TMX2: variants seen among roughly 807,000 people sequenced by gnomAD.
The protein encoded by TMX2 is thioredoxin related transmembrane protein 2.
A neutral mutation model predicts 33.4 loss-of-function variants in TMX2; 20 were observed. The ratio of observed to expected loss-of-function variants is 0.60; its 90% CI spans 0.42 to 0.87. The LOEUF is 0.87. Ranked by LOEUF, TMX2 falls within the 40% of genes least tolerant of loss-of-function variation. The pLI, the probability that TMX2 is intolerant of heterozygous loss-of-function variation, is 0.00. For synonymous variants in TMX2, 166 were observed against 140.7 expected (o/e 1.18, Z -1.27); for missense variants, 340 against 370.7 (o/e 0.92, Z 0.68).
chr11:57,714,087 T>C (rs777202764), intron 1 of TMX2, among the ~76,000 whole-genome samples: 3 of 152,212 alleles, frequency 2.0e-5, no homozygotes, highest in Admixed American at 6.5e-5. Flanking sequence ...GCATACAGGA[T>C]GCCATATTTT....
chr11:57,721,418 G>C (rs71484461), intron 1 of TMX2, among the ~76,000 whole-genome samples: 2 of 146,840 alleles, frequency 1.4e-5, no homozygotes, highest in Admixed American at 1.4e-4. Flanking sequence ...GCTCAGTCTC[G>C]GCTCACCACA....
chr11:57,729,015 AC>A (rs1948180516), intron 1 of TMX2, among the ~76,000 whole-genome samples: 1 of 151,984 alleles, frequency 6.6e-6, no homozygotes, highest in Non-Finnish European at 1.5e-5. Context: ...GGCAGAAACG[AC>A]TCAGTGGTGA....
intron 3 of TMX2, 98 bp from the exon 4 acceptor site, chr11:57,738,255 GT>G: frequency 1.1e-6 from 1 of 892,886 alleles, no homozygotes; most frequent in Non-Finnish European, 1.8e-6. Flanking sequence ...ATCCACAAGT[GT>G]GTATTATTTG....
Position 57,740,078 on chromosome 11 carries a change from G to A in TMX2, c.745-21G>A, listed in dbSNP as rs185473313. The A allele has an allele frequency of 1.0e-4, 162 of 1,613,740 alleles. No homozygotes were observed. The East Asian group carries it at 2.9e-3, about 28-fold the overall frequency. On this transcript the variant is annotated intron_variant, in intron 7 of 7. Coordinates refer to ENST00000278422, the MANE Select transcript of TMX2 (RefSeq NM_015959.4). ...TCTCCCTTCCAACCCAGATCCTGAC[G>A]TGTGCATCTCTTTTGTGCAGGAGAA...
intron 2 of TMX2, 21 bp from the exon 3 acceptor site, chr11:57,737,892 T>C: frequency 6.2e-7 from 1 of 1,614,252 alleles, no homozygotes; most frequent in African/African-American, 1.3e-5. Flanking sequence ...CAGCCTGACC[T>C]GTGACATCTC....
At chr11:57,723,035 C>T (rs977571701) in intron 1 of TMX2, among the ~76,000 whole-genome samples, 7 of 152,026 alleles carry the variant, frequency 4.6e-5, no homozygotes, top group African/African-American at 1.4e-4. Context: ...CCCTTGAACC[C>T]GGAAAGCAGA....
At chr11:57,718,524 T>G (rs1947330079) in intron 1 of TMX2, 2 of 734,342 alleles carry the variant, frequency 2.7e-6, no homozygotes, top group Non-Finnish European at 4.9e-6. Context: ...AACACGGGGT[T>G]GACCATGGCT....
chr11:57,727,434 AAG>A (rs780401162), intron 1 of TMX2, among the ~76,000 whole-genome samples: 2 of 151,352 alleles, frequency 1.3e-5, no homozygotes, highest in African/African-American at 2.5e-5. Flanking sequence ...CTTTTTGGCC[AAG>A]AGAGGGGACT....
intron 1 of TMX2, among the ~76,000 whole-genome samples, chr11:57,719,187 C>T (rs1399114047): frequency 6.6e-6 from 1 of 151,178 alleles, no homozygotes; most frequent in Non-Finnish European, 1.5e-5. Flanking sequence ...AGGTGCACGC[C>T]ACCACGCCCG....
At position 57,738,936 on chromosome 11, in the gene TMX2, A is replaced by T. The variant is rs960725324; in HGVS notation, c.549-38A>T. The T allele has an allele frequency of 9.4e-6, 15 of 1,591,726 alleles. No homozygotes were observed. The East Asian group carries it at 2.0e-4, about 21-fold the overall frequency. On this transcript the variant is annotated intron_variant, in intron 5 of 7. Coordinates refer to ENST00000278422, the MANE Select transcript of TMX2 (RefSeq NM_015959.4). Reference sequence around the variant, plus strand: ...ATACTTCCACTTTCCTTGATCCATTATTTTTTTTCAGCATATTAAATAATA... The same window carrying T: ...ATACTTCCACTTTCCTTGATCCATTTTTTTTTTTCAGCATATTAAATAATA...
At chr11:57,715,790 G>A (rs1205053642) in intron 1 of TMX2, among the ~76,000 whole-genome samples, 2 of 150,912 alleles carry the variant, frequency 1.3e-5, no homozygotes, top group African/African-American at 4.9e-5. Flanking sequence ...GATTCTTAAC[G>A]AGCATGCTGC....
At chr11:57,717,963 G>C in intron 1 of TMX2, 2 of 709,614 alleles carry the variant, frequency 2.8e-6, no homozygotes, top group Non-Finnish European at 5.0e-6. Flanking sequence ...GCGAGCAAAT[G>C]GGGTAGAGGG....
At chr11:57,731,125 G>GTTTTTTTTTTT (rs757832822) in intron 1 of TMX2, among the ~76,000 whole-genome samples, 3 of 85,820 alleles carry the variant, frequency 3.5e-5, no homozygotes, top group East Asian at 4.2e-4. Flanking sequence ...TTTGTTTTTT[G>GTTTTTTTTTTT]TTTTTTTTTT....
intron 1 of TMX2, among the ~76,000 whole-genome samples, chr11:57,723,367 C>T (rs1947761917): frequency 6.6e-6 from 1 of 151,748 alleles, no homozygotes; most frequent in Admixed American, 6.6e-5. Context: ...CCTGTAATCC[C>T]AGCTACTTGG....
At chr11:57,716,799 G>T (rs1224708093) in intron 1 of TMX2, among the ~76,000 whole-genome samples, 1 of 132,566 alleles carries the variant, frequency 7.5e-6, no homozygotes, top group South Asian at 2.5e-4. Context: ...GGGCAGAGGC[G>T]CCCCTCACCT....
At chr11:57,737,087 A>G (rs990426618) in intron 1 of TMX2, among the ~76,000 whole-genome samples, 4 of 152,152 alleles carry the variant, frequency 2.6e-5, no homozygotes, top group Admixed American at 2.0e-4. Flanking sequence ...GCATTTTGAA[A>G]TAGATACTGT....
At chr11:57,718,421 G>T in intron 1 of TMX2, 2 of 1,305,568 alleles carry the variant, frequency 1.5e-6, no homozygotes, top group Non-Finnish European at 2.2e-6. Flanking sequence ...AGTGCTCAGA[G>T]CACGAAAGTT....
At chr11:57,733,942 G>A (rs1174471760) in intron 1 of TMX2, among the ~76,000 whole-genome samples, 2 of 151,650 alleles carry the variant, frequency 1.3e-5, no homozygotes, top group South Asian at 2.1e-4. Context: ...AGGCTGAAGC[G>A]GGCGGATCAC....
At chr11:57,716,609 G>T (rs1360558846) in intron 1 of TMX2, among the ~76,000 whole-genome samples, 2 of 135,434 alleles carry the variant, frequency 1.5e-5, no homozygotes, top group African/African-American at 2.8e-5. Flanking sequence ...CTGGCCGGGT[G>T]GGGGGCTGAC....
Sources: allele counts gnomAD v4.1 joint callset (sites outside exome capture counted in the v4.1 genomes callset), GRCh38; gene constraint gnomAD v4.1.1; transcripts MANE v1.5; gene names NCBI Gene and HGNC (gene_info 2026-07-23, HGNC 2026-07-21).